The following SERPINB13 variants were observed in gnomAD, a reference collection of about 807,000 sequenced individuals.
The protein encoded by SERPINB13 is serpin family B member 13.
In SERPINB13, 26 loss-of-function variants were observed where a neutral mutation model predicts 31.2. The observed-to-expected ratio is 0.83, with a 90% CI of 0.61 to 1.15. SERPINB13 has a LOEUF of 1.15. SERPINB13 is among the 50% of genes most tolerant of loss of function. The pLI is 0.00. For missense variants in SERPINB13, 510 were observed against 469.4 expected, an observed-to-expected ratio of 1.09 and a Z score of -0.80; for synonymous variants, 191 against 172.4, an observed-to-expected ratio of 1.11 and a Z score of -0.85.
chr18:63,591,146 C>T (rs1391871593), intron 3 of SERPINB13, among the ~76,000 whole-genome samples: 1 of 152,188 alleles, frequency 6.6e-6, no homozygotes, highest in Non-Finnish European at 1.5e-5. Context: ...CCCATCCTCT[C>T]CTCAGAGAGG....
At position 63,599,062 on chromosome 18, in the gene SERPINB13, A is replaced by G. The variant is rs1006664711; in HGVS notation, c.*1699A>G. ...TGTTTGACTTTGTTTGGTGAAATGT[A>G]TACAAATCATTTGCTCATTTTTAAT... On this transcript the variant is annotated 3_prime_UTR_variant, in exon 8 of 8. Coordinates refer to ENST00000344731, the MANE Select transcript of SERPINB13 (RefSeq NM_012397.4). The G allele has an allele frequency of 1.3e-5, 2 of 152,102 alleles. No homozygotes were observed. Among genetic ancestry groups the G allele is most frequent in the African/African-American group, 2.4e-5 (1 of 41,416 alleles). The allele number at this position is 152,102 out of a possible 1,614,324, so 9.4% of individuals were successfully genotyped here.
intron 7 of SERPINB13, among the ~76,000 whole-genome samples, chr18:63,596,549 A>T (rs1231776550): frequency 6.6e-6 from 1 of 152,236 alleles, no homozygotes; most frequent in Non-Finnish European, 1.5e-5. Flanking sequence ...TAAGAATATT[A>T]TCTAGCTGTT....
chr18:63,589,625 G>C (rs1421511379), intron 2 of SERPINB13, 31 bp from the exon 3 acceptor site: 2 of 1,608,650 alleles, frequency 1.2e-6, no homozygotes, highest in South Asian at 2.2e-5. Flanking sequence ...TCTTCTCTGA[G>C]CACCACAGTA....
intron 7 of SERPINB13, 32 bp downstream of exon 7, chr18:63,595,216 C>G: frequency 6.3e-7 from 1 of 1,582,988 alleles, no homozygotes; most frequent in Non-Finnish European, 8.6e-7. Context: ...TTCTTTCTTT[C>G]ATTTCCTAAG....
intron 3 of SERPINB13, among the ~76,000 whole-genome samples, chr18:63,590,702 G>A (rs1361691606): frequency 6.6e-6 from 1 of 152,170 alleles, no homozygotes; most frequent in Non-Finnish European, 1.5e-5. Flanking sequence ...CTATGTGAAG[G>A]GCTAGATGAC....
intron 1 of SERPINB13, among the ~76,000 whole-genome samples, chr18:63,588,213 C>T (rs2144383331): frequency 6.6e-6 from 1 of 152,312 alleles, no homozygotes; most frequent in South Asian, 2.1e-4. Flanking sequence ...ACTGTTTGAA[C>T]TTGAGGCCCG....
Position 63,597,625 on chromosome 18 carries a change from T to A in SERPINB13, c.*262T>A. On this transcript the variant is annotated 3_prime_UTR_variant, in exon 8 of 8. Transcript: ENST00000344731. ...ATCTCCCTTTGGTTTCCTTTGAAAG[T>A]AAATTGGTATCTTGTAGTTTTGTGC... 1 of 387,978 alleles carries A rather than the reference T, an allele frequency of 2.6e-6. No individual in the cohort carries two copies. The highest frequency in any genetic ancestry group is 4.6e-6 in the Non-Finnish European group (1 of 215,080). The allele number at this position is 387,978 out of a possible 1,614,324, so 24.0% of individuals were successfully genotyped here.
rs1436915358 is a variant in SERPINB13 at position 63,596,969 on chromosome 18, A to C, written c.782A>C (p.Lys261Thr). The C allele has an allele frequency of 1.2e-6, 2 of 1,601,568 alleles. No homozygotes were observed. The highest frequency in any genetic ancestry group is 8.5e-7 in the Non-Finnish European group (1 of 1,173,522). Residue 261 changes from lysine to threonine, a missense_variant, in exon 8 of 8, where the codon AAA becomes ACA. By Grantham distance (78) the Lys-to-Thr change is moderately conservative. Coordinates refer to ENST00000344731, the MANE Select transcript of SERPINB13 (RefSeq NM_012397.4). The stretch of plus-strand genomic sequence containing the variant: ...TTTTTTTGAAAATAGATAATAGATA[A>C]AATAAGTCCTGAGAAATTGGTAGAG... ...DIDGLEKIID[K>T]ISPEKLVEWT...
rs1229651362 is a variant in SERPINB13, at chr18:63,587,394, T to C, written c.-74T>C. On this transcript the variant is annotated 5_prime_UTR_variant, in exon 1 of 8. Transcript: ENST00000344731. Reference sequence around the variant, plus strand: ...TAAATTAAGGATCCCAGCTACTTAATTGACTTATGCTTCCTAGTTCGTTGC... The same window carrying C: ...TAAATTAAGGATCCCAGCTACTTAACTGACTTATGCTTCCTAGTTCGTTGC... 3 of 470,474 alleles carry C rather than the reference T, an allele frequency of 6.4e-6. No individual in the cohort carries two copies. The highest frequency in any genetic ancestry group is 1.5e-5 in the South Asian group (1 of 64,522). 29.1% of individuals were successfully genotyped at this position (470,474 alleles called of 1,614,324 possible).
rs748361299 is a variant in SERPINB13 at position 63,597,336 on chromosome 18, C to T, written c.1149C>T (p.Leu383=). The T allele has an allele frequency of 1.2e-6, 2 of 1,613,258 alleles. No homozygotes were observed. The highest frequency in any genetic ancestry group is 2.2e-5 in the South Asian group (2 of 90,988). The change falls in exon 8 of 8, where the codon CTC becomes CTT. Residue 383 remains leucine, a synonymous_variant. Transcript: ENST00000344731. ...FIRHNESNSI[L]FFGRFSSP Reference sequence around the variant, plus strand: ...GGCACAATGAATCCAACAGCATCCTCTTCTTCGGCAGATTTTCTTCTCCTT... The same window carrying T: ...GGCACAATGAATCCAACAGCATCCTTTTCTTCGGCAGATTTTCTTCTCCTT...
intron 2 of SERPINB13, 57 bp from the exon 3 acceptor site, chr18:63,589,599 T>A (rs547585347): frequency 2.6e-5 from 41 of 1,590,030 alleles, no homozygotes; most frequent in Non-Finnish European, 3.4e-5. Context: ...CCTGACTGAT[T>A]CTGTGTGAGG....
intron 4 of SERPINB13, 32 bp downstream of exon 4, chr18:63,592,508 T>G (rs1282083542): frequency 1.2e-6 from 2 of 1,606,392 alleles, no homozygotes; most frequent in Admixed American, 3.4e-5. Context: ...TATCTGTGAG[T>G]GGTATTCTGG....
chr18:63,594,696 G>A (rs1221215594), intron 6 of SERPINB13, among the ~76,000 whole-genome samples, 199 bp downstream of exon 6: 1 of 152,034 alleles, frequency 6.6e-6, no homozygotes, highest in East Asian at 1.9e-4. Flanking sequence ...AAAATTAGCT[G>A]GGTGTGGTGG....
chr18:63,591,972 T>C (rs867207654), intron 3 of SERPINB13, among the ~76,000 whole-genome samples: 1 of 152,186 alleles, frequency 6.6e-6, no homozygotes, highest in South Asian at 2.1e-4. Flanking sequence ...CTTCAATAGA[T>C]AAGAATCGTC....
intron 5 of SERPINB13, chr18:63,593,937 G>A (rs1275366305): frequency 4.3e-6 from 2 of 467,238 alleles, no homozygotes; most frequent in East Asian, 1.4e-4. Flanking sequence ...CTTATTATGT[G>A]TGAGATGGTA....
rs1912300780 is a variant in SERPINB13, at chr18:63,598,202, T to C, written c.*839T>C. ...TGGAAAGCTCTGAATCTATACCTAA[T>C]GCTCTTAATTATTGGCTTGTTTCAT... On this transcript the variant is annotated 3_prime_UTR_variant, in exon 8 of 8. Coordinates refer to ENST00000344731, the MANE Select transcript of SERPINB13 (RefSeq NM_012397.4). The C allele has an allele frequency of 6.6e-6, 1 of 151,952 alleles. No homozygotes were observed. Among genetic ancestry groups the C allele is most frequent in the Admixed American group, 6.6e-5 (1 of 15,252 alleles). 9.4% of individuals were successfully genotyped at this position (151,952 alleles called of 1,614,324 possible).
Position 63,597,387 on chromosome 18 carries a change from T to C in SERPINB13, c.*24T>C. On this transcript the variant is annotated 3_prime_UTR_variant, in exon 8 of 8. Coordinates refer to ENST00000344731, the MANE Select transcript of SERPINB13 (RefSeq NM_012397.4). The stretch of plus-strand genomic sequence containing the variant: ...AAGATGATCGTTGCCATGGCATTGC[T>C]GCTTTTAGCAAAAAACAACTACCAG... The C allele has an allele frequency of 6.3e-7, 1 of 1,579,616 alleles. No individual in the cohort carries two copies. Among genetic ancestry groups the C allele is most frequent in the South Asian group, 1.2e-5 (1 of 86,404 alleles).
intron 2 of SERPINB13, 57 bp from the exon 3 acceptor site, chr18:63,589,599 T>C (rs547585347): frequency 6.3e-7 from 1 of 1,590,150 alleles, no homozygotes; most frequent in Admixed American, 1.8e-5. Flanking sequence ...CCTGACTGAT[T>C]CTGTGTGAGG....
rs766005338 is a variant in SERPINB13, at chr18:63,597,108, T to C, written c.921T>C (p.Asp307=). Residue 307 remains aspartate (D), a synonymous_variant, in exon 8 of 8, where the codon GAT becomes GAC. Transcript: ENST00000344731. The stretch of plus-strand genomic sequence containing the variant: ...TCCTGGCTGCCATGGGGATGGGCGA[T>C]GCCTTCAGTGAGCACAAAGCCGACT... ...EAVLAAMGMG[D]AFSEHKADYS... is the part of the protein sequence containing the mutation. 13 of 1,614,114 alleles carry C rather than the reference T, an allele frequency of 8.1e-6. 1 individual carries two copies. The South Asian group carries it at 1.2e-4, about 15-fold the overall frequency.
Sources: allele counts gnomAD v4.1 joint callset (sites outside exome capture counted in the v4.1 genomes callset), GRCh38; gene constraint gnomAD v4.1.1; transcripts MANE v1.5; gene names NCBI Gene and HGNC (gene_info 2026-07-23, HGNC 2026-07-21).